PREX2: variants seen among roughly 807,000 people sequenced by gnomAD.
PREX2 encodes phosphatidylinositol-3,4,5-trisphosphate dependent Rac exchange factor 2, also known as phosphatidylinositol 3,4,5-trisphosphate-dependent Rac exchanger 2 protein.
PREX2 carries 107 observed loss-of-function variants against 203.2 expected under a neutral mutation model. That is an observed-to-expected ratio of 0.53 (90% CI 0.45 to 0.62). The LOEUF (loss-of-function observed/expected upper bound fraction) is 0.62. PREX2 is among the 20% of genes least tolerant of loss of function. PREX2 has a pLI of 0.00. For missense variants in PREX2, 1,777 were observed against 1,955.9 expected, an observed-to-expected ratio of 0.91 and a Z score of 1.72; for synonymous variants, 672 against 663.6, an observed-to-expected ratio of 1.01 and a Z score of -0.19.
intron 14 of PREX2, among the ~76,000 whole-genome samples, chr8:68,073,205 T>G (rs1563530304): frequency 6.6e-6 from 1 of 150,666 alleles, no homozygotes; most frequent in African/African-American, 2.4e-5. Flanking sequence ...AATATTTAAA[T>G]GTTTTATCAT....
chr8:68,111,012 G>C, intron 25 of PREX2: 1 of 388,052 alleles, frequency 2.6e-6, no homozygotes, highest in Non-Finnish European at 5.1e-6. Context: ...GAATTGTGTT[G>C]GAATCCTTGT....
intron 5 of PREX2, among the ~76,000 whole-genome samples, chr8:68,028,257 A>T (rs1178287625): frequency 6.6e-6 from 1 of 151,732 alleles, no homozygotes; most frequent in African/African-American, 2.4e-5. Flanking sequence ...AGGATTATAT[A>T]ATGATAATGA....
intron 7 of PREX2, among the ~76,000 whole-genome samples, chr8:68,042,362 A>G (rs1016549153): frequency 1.1e-4 from 16 of 151,812 alleles, no homozygotes; most frequent in South Asian, 6.2e-4. Context: ...GTATAACATG[A>G]TATTGCTTAG....
intron 38 of PREX2, among the ~76,000 whole-genome samples, chr8:68,224,059 C>T (rs1285396872): frequency 6.6e-6 from 1 of 151,926 alleles, no homozygotes; most frequent in African/African-American, 2.4e-5. Flanking sequence ...CATTCTGTCT[C>T]CCAGGCTGGA....
intron 6 of PREX2, among the ~76,000 whole-genome samples, chr8:68,034,109 G>A (rs1035645570): frequency 1.3e-5 from 2 of 152,032 alleles, no homozygotes; most frequent in African/African-American, 4.8e-5. Context: ...TTAGGTTTTT[G>A]TCAGCATTTA....
At chr8:68,020,333 CAAA>C (rs67292795) in intron 3 of PREX2, among the ~76,000 whole-genome samples, 217 of 106,070 alleles carry the variant, frequency 2.0e-3, no homozygotes, top group Admixed American at 9.0e-3. Flanking sequence ...GCATTCACAC[CAAA>C]AAAAAAAAAA....
chr8:68,004,265 C>A (rs1419377121), intron 1 of PREX2, among the ~76,000 whole-genome samples: 2 of 152,182 alleles, frequency 1.3e-5, no homozygotes, highest in East Asian at 1.9e-4. Context: ...CCCAGCCTCA[C>A]AGGATTACTG....
At chr8:68,204,691 T>TTC (rs1220331988) in intron 37 of PREX2, among the ~76,000 whole-genome samples, 2 of 139,794 alleles carry the variant, frequency 1.4e-5, no homozygotes, top group African/African-American at 5.4e-5. Flanking sequence ...TTTTTTTTTT[T>TTC]TTTTTTTTTT....
At chr8:68,104,575 A>G (rs1337097455) in intron 23 of PREX2, among the ~76,000 whole-genome samples, 1 of 152,136 alleles carries the variant, frequency 6.6e-6, no homozygotes, top group Non-Finnish European at 1.5e-5. Context: ...ACAACTGGTA[A>G]TCCATTCTTC....
chr8:67,977,968 T>C (rs963138532), intron 1 of PREX2, among the ~76,000 whole-genome samples: 12 of 152,174 alleles, frequency 7.9e-5, no homozygotes, highest in Non-Finnish European at 1.3e-4. Context: ...TTCCCTGAGT[T>C]CTGTTAGCTG....
intron 1 of PREX2, among the ~76,000 whole-genome samples, chr8:67,999,941 A>G (rs1190234898): frequency 1.3e-5 from 2 of 152,200 alleles, no homozygotes; most frequent in Admixed American, 6.5e-5. Context: ...AACTCTCAAT[A>G]AACTAAGTAT....
intron 32 of PREX2, among the ~76,000 whole-genome samples, chr8:68,136,681 G>C (rs1424321181): frequency 6.6e-6 from 1 of 151,998 alleles, no homozygotes; most frequent in Non-Finnish European, 1.5e-5. Context: ...TTAAGATAAT[G>C]GTTTAATAAA....
intron 35 of PREX2, among the ~76,000 whole-genome samples, chr8:68,189,072 C>T (rs939909835): frequency 6.6e-6 from 1 of 152,116 alleles, no homozygotes; most frequent in Non-Finnish European, 1.5e-5. Context: ...GAGGCTTCCA[C>T]TGTATTTGTA....
rs71253061 is a variant in PREX2, at chr8:68,098,938, GTATATATATATATATATATATA to G, written c.2554-726_2554-705del. 1.1e-3 allele frequency among the ~76,000 whole-genome samples: 117 copies of G among 109,792 alleles called. 2 individuals carry two copies. Among genetic ancestry groups the G allele is most frequent in the East Asian group, 4.1e-3 (15 of 3,652 alleles). The allele number at this position is 109,792 out of a possible 152,430, so 72.0% of individuals were successfully genotyped here. On this transcript the variant is annotated intron_variant, in intron 22 of 39. Coordinates refer to ENST00000288368, the MANE Select transcript of PREX2 (RefSeq NM_024870.4). ...AATCAGAAATGCTACATATATATGTGTATATATATATATATATATATATATATATATATATATATCTCACATA... is the reference window on the plus strand; with the variant it reads ...AATCAGAAATGCTACATATATATGTGTATATATATATATATATCTCACATA...
At position 68,021,275 on chromosome 8, in the gene PREX2, C is replaced by T. The variant is rs149679265; in HGVS notation, c.337-761C>T. On this transcript the variant is annotated intron_variant, in intron 3 of 39. Coordinates refer to ENST00000288368, the MANE Select transcript of PREX2 (RefSeq NM_024870.4). The stretch of plus-strand genomic sequence containing the variant: ...CCTTGCGACATCCACCACTGCCTTG[C>T]GACATCACCTAAAGATCCTAGTTTT... 2.8e-4 allele frequency among the ~76,000 whole-genome samples: 43 copies of T among 152,296 alleles called. 1 individual carries two copies. The East Asian group carries it at 7.9e-3, about 28-fold the overall frequency.
chr8:68,033,286 C>T (rs1052734379), intron 6 of PREX2, among the ~76,000 whole-genome samples: 1 of 152,034 alleles, frequency 6.6e-6, no homozygotes, highest in African/African-American at 2.4e-5. Context: ...TGGACTCTAA[C>T]CCTTTGTTTG....
In PREX2 at chr8:68,140,416, G is replaced by A. The variant is rs117567246; in HGVS notation, c.4087+1899G>A. On this transcript the variant is annotated intron_variant, in intron 33 of 39. Coordinates refer to ENST00000288368, the MANE Select transcript of PREX2 (RefSeq NM_024870.4). Reference sequence around the variant, plus strand: ...TATTTTAAGTTGATGCAGGAAATAAGAGAATTATTCTGTATTCAGAGGTCA... The same window carrying A: ...TATTTTAAGTTGATGCAGGAAATAAAAGAATTATTCTGTATTCAGAGGTCA... Among the ~76,000 whole-genome samples the A allele has an allele frequency of 6.3e-3, 959 of 152,342 alleles. 8 individuals carry two copies. The highest frequency in any genetic ancestry group is 0.027 in the Middle Eastern group (8 of 294).
intron 35 of PREX2, among the ~76,000 whole-genome samples, chr8:68,183,130 T>A (rs901562301): frequency 1.3e-5 from 2 of 151,990 alleles, no homozygotes; most frequent in African/African-American, 4.8e-5. Flanking sequence ...ACCGGAGAAA[T>A]TTAAATGATA....
intron 25 of PREX2, 25 bp from the exon 26 acceptor site, chr8:68,115,728 A>T (rs773303113): frequency 1.3e-6 from 2 of 1,533,544 alleles, no homozygotes; most frequent in Non-Finnish European, 8.9e-7. Flanking sequence ...GAAAATGTGC[A>T]TTTTTTTTTA....
Sources: gnomAD v4.1 joint callset for allele counts (sites outside exome capture counted in the v4.1 genomes callset) on GRCh38, gnomAD v4.1.1 for gene constraint, MANE v1.5 for transcripts, NCBI Gene and HGNC (gene_info 2026-07-23, HGNC 2026-07-21) for gene names.